GPHN: variants seen among roughly 807,000 people sequenced by gnomAD.
GPHN encodes the protein gephyrin.
GPHN carries 17 observed loss-of-function variants against 95.5 expected under a neutral mutation model. The observed-to-expected ratio is 0.18, with a 90% CI of 0.12 to 0.27. The LOEUF (loss-of-function observed/expected upper bound fraction) is 0.27, where lower values mean the gene tolerates loss of function less well. Among genes scored for constraint, GPHN ranks in the 10% least tolerant of loss-of-function variants. The pLI, the probability that GPHN is intolerant of heterozygous loss-of-function variation, is 1.00. For missense variants in GPHN, 660 were observed against 978.1 expected (o/e 0.67, Z 4.34); for synonymous variants, 320 against 322.5 (o/e 0.99, Z 0.08).
chr14:66,768,839 A>G (rs569903643), intron 2 of GPHN, among the ~76,000 whole-genome samples: 3 of 152,170 alleles, frequency 2.0e-5, no homozygotes, highest in Admixed American at 6.6e-5. Flanking sequence ...TGAAGGATGC[A>G]TTAAGGGAAT....
At chr14:67,662,644 G>A in the GPHN span, 1 of 1,001,544 alleles carries the variant, frequency 1.0e-6, no homozygotes. Context: ...GGTGGCTCAT[G>A]CCTGTAATCC....
chr14:67,529,619 G>A, the GPHN span, among the ~76,000 whole-genome samples: 1 of 151,874 alleles, frequency 6.6e-6, no homozygotes, highest in Non-Finnish European at 1.5e-5. Context: ...TTCCTAACTG[G>A]CCCTTCTCTG....
the GPHN span, among the ~76,000 whole-genome samples, chr14:67,601,369 C>G: frequency 7.9e-3 from 1,205 of 152,244 alleles, 21 homozygotes; most frequent in African/African-American, 0.027. Context: ...AGGTAGGGGT[C>G]AGATCCAAGA....
chr14:66,976,213 T>G (rs1425420745), intron 9 of GPHN, among the ~76,000 whole-genome samples: 1 of 152,202 alleles, frequency 6.6e-6, no homozygotes, highest in Non-Finnish European at 1.5e-5. Context: ...GAAATATTGA[T>G]TTCTCTCGAT....
chr14:67,569,645 C>T, the GPHN span: 1 of 505,658 alleles, frequency 2.0e-6, no homozygotes, highest in South Asian at 2.4e-5. Context: ...TTGTAACTCA[C>T]ATCTGCAACA....
chr14:67,575,399 A>G, the GPHN span: 7 of 1,602,950 alleles, frequency 4.4e-6, no homozygotes, highest in Admixed American at 5.1e-5. Flanking sequence ...CAGGTAAAGC[A>G]TGGCCACTCC....
chr14:67,490,911 G>A, the GPHN span, among the ~76,000 whole-genome samples: 2 of 152,060 alleles, frequency 1.3e-5, no homozygotes, highest in Non-Finnish European at 2.9e-5. Context: ...GGGCAGATAT[G>A]CCCCCCATAT....
the GPHN span, chr14:67,301,550 G>T: frequency 1.2e-6 from 1 of 826,484 alleles, no homozygotes; most frequent in South Asian, 2.3e-5. Flanking sequence ...TACTGGAAGA[G>T]ATGTCAAACA....
the GPHN span, among the ~76,000 whole-genome samples, chr14:67,630,847 T>C: frequency 6.6e-6 from 1 of 152,216 alleles, no homozygotes; most frequent in Non-Finnish European, 1.5e-5. Context: ...CCTCCCAAAG[T>C]GCTGGGATTA....
At chr14:67,560,867 A>G in the GPHN span, among the ~76,000 whole-genome samples, 1 of 151,028 alleles carries the variant, frequency 6.6e-6, no homozygotes, top group Non-Finnish European at 1.5e-5. Flanking sequence ...AGTAGCTGGG[A>G]TTACAGGCAC....
chr14:66,891,995 T>A (rs994037989), intron 5 of GPHN, among the ~76,000 whole-genome samples: 2 of 152,160 alleles, frequency 1.3e-5, no homozygotes, highest in African/African-American at 4.8e-5. Flanking sequence ...GCAGAATGTT[T>A]AGAAACATTG....
the GPHN span, among the ~76,000 whole-genome samples, chr14:67,618,985 G>A: frequency 1.3e-5 from 2 of 152,200 alleles, no homozygotes; most frequent in Non-Finnish European, 2.9e-5. Context: ...TAGAAATAAT[G>A]TCTAGATTCT....
intron 18 of GPHN, among the ~76,000 whole-genome samples, chr14:67,154,908 C>T (rs1017494349): frequency 2.0e-5 from 3 of 151,776 alleles, no homozygotes; most frequent in East Asian, 1.9e-4. Context: ...GCCAGGATTC[C>T]GGGCACTAAG....
the GPHN span, among the ~76,000 whole-genome samples, chr14:67,298,032 C>G: frequency 6.6e-6 from 1 of 152,022 alleles, no homozygotes; most frequent in Admixed American, 6.6e-5. Flanking sequence ...AGGGAACAAG[C>G]AGTTTAATGC....
chr14:67,623,201 T>C, the GPHN span, among the ~76,000 whole-genome samples: 1 of 152,248 alleles, frequency 6.6e-6, no homozygotes, highest in Non-Finnish European at 1.5e-5. Flanking sequence ...ATTTCTAGCA[T>C]GTGGTTTTGG....
chr14:67,436,013 T>C, the GPHN span, among the ~76,000 whole-genome samples: 2 of 152,226 alleles, frequency 1.3e-5, no homozygotes, highest in Non-Finnish European at 2.9e-5. Flanking sequence ...CTAAAGCAAT[T>C]GTGAGCTTCT....
At chr14:67,320,181 A>G in the GPHN span, 1 of 1,566,570 alleles carries the variant, frequency 6.4e-7, no homozygotes. Context: ...TATATCTTTA[A>G]TACATGGCCA....
At chr14:66,792,118 AATT>A (rs749755638) in intron 3 of GPHN, among the ~76,000 whole-genome samples, 174 of 152,262 alleles carry the variant, frequency 1.1e-3, no homozygotes, top group Non-Finnish European at 2.0e-3. Flanking sequence ...GACACATGGG[AATT>A]ATTATAATTC....
At chr14:66,790,805 T>C (rs1333021425) in intron 3 of GPHN, among the ~76,000 whole-genome samples, 2 of 152,216 alleles carry the variant, frequency 1.3e-5, no homozygotes, top group African/African-American at 4.8e-5. Flanking sequence ...TTGTCAGTAA[T>C]GAAGGGTTTC....
Sources: gnomAD v4.1 joint callset for allele counts (sites outside exome capture counted in the v4.1 genomes callset) on GRCh38, gnomAD v4.1.1 for gene constraint, MANE v1.5 for transcripts, NCBI Gene and HGNC (gene_info 2026-07-23, HGNC 2026-07-21) for gene names.